Variants in PTPRT observed in about 807,000 individuals in gnomAD.
The protein encoded by PTPRT is protein tyrosine phosphatase receptor type T, also known as receptor-type tyrosine-protein phosphatase T.
PTPRT carries 56 observed loss-of-function variants against 176.8 expected under a neutral mutation model. The observed-to-expected ratio is 0.32, with a 90% CI of 0.26 to 0.40. The LOEUF (loss-of-function observed/expected upper bound fraction) is 0.40. Among genes scored for constraint, PTPRT ranks in the 10% least tolerant of loss-of-function variants. PTPRT has a pLI of 1.00. For missense variants in PTPRT, 1,540 were observed against 1,908.2 expected (o/e 0.81, Z 3.60); for synonymous variants, 783 against 739.0 (o/e 1.06, Z -0.96).
chr20:42,592,319 C>A (rs935091376), intron 7 of PTPRT, among the ~76,000 whole-genome samples: 1 of 152,182 alleles, frequency 6.6e-6, no homozygotes, highest in Non-Finnish European at 1.5e-5. Flanking sequence ...CAGGCGCCGA[C>A]TGGATAAATA....
chr20:42,611,057 T>C (rs2073967217), intron 7 of PTPRT, among the ~76,000 whole-genome samples: 2 of 152,224 alleles, frequency 1.3e-5, no homozygotes, highest in South Asian at 4.1e-4. Context: ...ATATTTAATT[T>C]ATCCGATCAT....
intron 21 of PTPRT, among the ~76,000 whole-genome samples, chr20:42,117,988 T>C (rs909999029): frequency 1.2e-4 from 18 of 152,184 alleles, no homozygotes; most frequent in African/African-American, 4.3e-4. Context: ...ACATGGCTTC[T>C]GTTGTGTTAG....
rs150919572 is a variant in PTPRT, at chr20:42,075,833, G to T, written c.*5046C>A. 457 of 205,152 alleles carry T rather than the reference G, an allele frequency of 2.2e-3. 3 individuals carry two copies. Among genetic ancestry groups the T allele is most frequent in the African/African-American group, 1.0e-2 (437 of 43,858 alleles). 12.7% of individuals were successfully genotyped at this position (205,152 alleles called of 1,614,324 possible). A position where few individuals can be genotyped will look rare whatever the true frequency, so the allele number is the denominator to read the frequency against. On this transcript the variant is annotated 3_prime_UTR_variant, in exon 31 of 31. Transcript: ENST00000373187. ...GGATGAATAAACATGATGGGTCAGA[G>T]GGAAATGCATCATCTTTTGCCCCAG...
the PTPRT span, among the ~76,000 whole-genome samples, chr20:42,036,516 A>C: frequency 6.6e-6 from 1 of 152,154 alleles, no homozygotes; most frequent in Non-Finnish European, 1.5e-5. Flanking sequence ...GGTGTGTCTG[A>C]TTCCACAGTT....
chr20:42,627,802 G>A lies in PTPRT; in HGVS notation c.1153+50064C>T, dbSNP rs59905862. ...CTCCAACATTTTAGTTGCAATCTGA[G>A]ACAGTCTGTTTCAGAGACAAAATTT... On this transcript the variant is annotated intron_variant, in intron 7 of 30. Coordinates refer to ENST00000373187, the MANE Select transcript of PTPRT (RefSeq NM_007050.6). Among the ~76,000 whole-genome samples, 528 of 151,946 alleles carry A rather than the reference G, an allele frequency of 3.5e-3. 4 individuals carry two copies. Among genetic ancestry groups the A allele is most frequent in the African/African-American group, 0.012 (502 of 41,408 alleles).
chr20:43,071,858 C>T (rs992151292), intron 1 of PTPRT, among the ~76,000 whole-genome samples: 5 of 152,368 alleles, frequency 3.3e-5, no homozygotes, highest in South Asian at 2.1e-4. Context: ...CTCTTGAAAA[C>T]GGCTTCTTTC....
chr20:42,055,524 T>C, the PTPRT span, among the ~76,000 whole-genome samples: 7 of 152,116 alleles, frequency 4.6e-5, no homozygotes, highest in Non-Finnish European at 8.8e-5. Context: ...CAAAAAAGAT[T>C]TGAATGCTTG....
chr20:42,180,862 A>G (rs1421295941), intron 16 of PTPRT, among the ~76,000 whole-genome samples: 2 of 152,236 alleles, frequency 1.3e-5, no homozygotes, highest in African/African-American at 4.8e-5. Context: ...GGAGTACATT[A>G]TAGTAGTAGG....
intron 6 of PTPRT, among the ~76,000 whole-genome samples, chr20:42,730,747 A>C (rs2076448380): frequency 6.6e-6 from 1 of 152,196 alleles, no homozygotes; most frequent in Non-Finnish European, 1.5e-5. Flanking sequence ...GCTTTCTTGG[A>C]GGTGAGAGGA....
At chr20:42,625,548 T>C (rs1200170347) in intron 7 of PTPRT, among the ~76,000 whole-genome samples, 1 of 151,922 alleles carries the variant, frequency 6.6e-6, no homozygotes, top group Non-Finnish European at 1.5e-5. Flanking sequence ...CCTCTGCCCC[T>C]ACCACTCTCT....
chr20:42,357,804 C>G (rs1294211090), intron 9 of PTPRT, among the ~76,000 whole-genome samples: 1 of 152,050 alleles, frequency 6.6e-6, no homozygotes, highest in Non-Finnish European at 1.5e-5. Context: ...GTCCTAGTTA[C>G]TTGGGAGGCT....
intron 7 of PTPRT, among the ~76,000 whole-genome samples, chr20:42,629,537 A>G (rs576707024): frequency 6.6e-6 from 1 of 152,302 alleles, no homozygotes; most frequent in East Asian, 1.9e-4. Flanking sequence ...ATAATGCCCC[A>G]ACAATTGCTT....
At chr20:43,088,415 G>A (rs1343004242) in intron 1 of PTPRT, among the ~76,000 whole-genome samples, 1 of 150,924 alleles carries the variant, frequency 6.6e-6, no homozygotes, top group African/African-American at 2.4e-5. Flanking sequence ...TAAAAGTGGA[G>A]TTTCCAACAT....
At chr20:42,694,039 TC>T (rs2075832373) in intron 6 of PTPRT, among the ~76,000 whole-genome samples, 1 of 98,248 alleles carries the variant, frequency 1.0e-5, no homozygotes. Context: ...TATTTTATTT[TC>T]TTTTTTTTTT....
At chr20:42,476,281 A>G (rs1362266906) in intron 7 of PTPRT, among the ~76,000 whole-genome samples, 1 of 152,204 alleles carries the variant, frequency 6.6e-6, no homozygotes, top group Non-Finnish European at 1.5e-5. Context: ...AAGAGAAAAA[A>G]TAAACCCACT....
chr20:42,900,942 G>A (rs557303843), intron 1 of PTPRT, among the ~76,000 whole-genome samples: 1 of 152,214 alleles, frequency 6.6e-6, no homozygotes, highest in African/African-American at 2.4e-5. Context: ...AGACTTGCTG[G>A]CTCCTTGCTC....
intron 7 of PTPRT, among the ~76,000 whole-genome samples, chr20:42,526,014 GT>G (rs11477358): frequency 0.047 from 6,745 of 144,654 alleles, 196 homozygotes; most frequent in African/African-American, 0.091. Flanking sequence ...TATGGAGAGT[GT>G]TTTTTTTTTT....
At chr20:42,178,567 T>C (rs1305961729) in intron 16 of PTPRT, among the ~76,000 whole-genome samples, 1 of 152,170 alleles carries the variant, frequency 6.6e-6, no homozygotes, top group Non-Finnish European at 1.5e-5. Flanking sequence ...CTTGACAAAC[T>C]ACCCCCAACC....
chr20:42,992,692 G>C (rs566016471), intron 1 of PTPRT, among the ~76,000 whole-genome samples: 1 of 152,326 alleles, frequency 6.6e-6, no homozygotes, highest in African/African-American at 2.4e-5. Flanking sequence ...TCCCAAATTA[G>C]TTGTTTAAAA....
Sources: gnomAD v4.1 joint callset for allele counts (sites outside exome capture counted in the v4.1 genomes callset) on GRCh38, gnomAD v4.1.1 for gene constraint, MANE v1.5 for transcripts, NCBI Gene and HGNC (gene_info 2026-07-23, HGNC 2026-07-21) for gene names.